Variants in B4GALNT4 observed in about 807,000 individuals in gnomAD.
B4GALNT4 encodes the protein beta-1,4-N-acetyl-galactosaminyltransferase 4.
A neutral mutation model predicts 110.0 loss-of-function variants in B4GALNT4; 77 were observed. That is an observed-to-expected ratio of 0.70 (90% CI 0.58 to 0.85). The LOEUF is 0.85. Ranked by LOEUF, B4GALNT4 falls within the 40% of genes least tolerant of loss-of-function variation. The pLI, the probability that B4GALNT4 is intolerant of heterozygous loss-of-function variation, is 0.00. For synonymous variants in B4GALNT4, 785 were observed against 655.5 expected, an observed-to-expected ratio of 1.20 and a Z score of -3.02; for missense variants, 1,575 against 1,506.0, an observed-to-expected ratio of 1.05 and a Z score of -0.76.
intron 18 of B4GALNT4, 101 bp from the exon 19 acceptor site, chr11:380,724 C>T: frequency 6.3e-7 from 1 of 1,583,924 alleles, no homozygotes; most frequent in South Asian, 1.1e-5. Flanking sequence ...GGTGATGGGA[C>T]CCGGCACCTG....
rs770796581 is a variant in B4GALNT4, at chr11:375,702, G to A, written c.914G>A (p.Gly305Glu). Reference sequence around the variant, plus strand: ...CCCCAGTCTCCAGCCAGCCACGTGGGGGGGCGTCCGCCGCAGGAGGAGACC... The same window carrying A: ...CCCCAGTCTCCAGCCAGCCACGTGGAGGGGCGTCCGCCGCAGGAGGAGACC... ...HVPQSPASHV[G>E]GRPPQEETSA... Residue 305 changes from glycine to glutamate, a missense_variant, in exon 10 of 20, where the codon GGG (glycine) becomes GAG (glutamate). Physicochemically the swap from Gly to Glu is moderately conservative, Grantham distance 98. Coordinates refer to ENST00000329962, the MANE Select transcript of B4GALNT4 (RefSeq NM_178537.5). The A allele has an allele frequency of 1.8e-5, 28 of 1,594,274 alleles. No individual in the cohort carries two copies. In the South Asian group the frequency reaches 2.1e-4, roughly 12 times the overall value.
At position 372,896 on chromosome 11, in the gene B4GALNT4, G is replaced by C; in HGVS notation, c.393G>C (p.Gly131=). 1 of 1,612,276 alleles carries C rather than the reference G, an allele frequency of 6.2e-7. No individual in the cohort carries two copies. Among genetic ancestry groups the C allele is most frequent in the Non-Finnish European group, 8.5e-7 (1 of 1,179,824 alleles). ...VNLHVFEDWC[G]GAVGHLRRNL... ...TGCACGTGTTTGAGGACTGGTGTGG[G>C]GGCGCCGTGGGCCACCTGAGGAGGA... The change falls in exon 4 of 20, where the codon GGG becomes GGC. Residue 131 remains glycine, a synonymous_variant. Coordinates refer to ENST00000329962, the MANE Select transcript of B4GALNT4 (RefSeq NM_178537.5).
chr11:380,144 G>GT lies in B4GALNT4; in HGVS notation c.2657_2658insT (p.Arg886SerfsTer90). The GT allele has an allele frequency of 6.2e-7, 1 of 1,603,906 alleles. No homozygotes were observed. Among genetic ancestry groups the GT allele is most frequent in the Non-Finnish European group, 8.5e-7 (1 of 1,173,086 alleles). ...GCCCTCCCCAGGTACCAGTACCTGA[G>GT]ACGAACCGGGAACTTCGAGCGCTCC... On this transcript the variant is annotated frameshift_variant, in exon 17 of 20. Coordinates refer to ENST00000329962, the MANE Select transcript of B4GALNT4 (RefSeq NM_178537.5). LOFTEE classifies it high-confidence loss of function.
chr11:372,013 G>A (rs2119637387), intron 1 of B4GALNT4, 96 bp from the exon 2 acceptor site: 1 of 951,876 alleles, frequency 1.1e-6, no homozygotes, highest in East Asian at 2.6e-5. Context: ...GCCCTGCTCT[G>A]GCCATGTGGG....
Position 381,703 on chromosome 11 carries a change from C to T in B4GALNT4, c.3031C>T (p.Arg1011Ter), listed in dbSNP as rs966620721. The T allele has an allele frequency of 5.6e-6, 9 of 1,593,584 alleles. No homozygotes were observed. Among genetic ancestry groups the T allele is most frequent in the South Asian group, 3.3e-5 (3 of 89,638 alleles). Reference protein sequence around the residue: ...LQAGLEVERLRLRNFYHHYHS... With the variant: ...LQAGLEVERL Reference sequence around the variant, plus strand: ...GGCAGGGCTGGAGGTGGAGCGGCTCCGACTGCGGAATTTCTATCACCACTA... The same window carrying T: ...GGCAGGGCTGGAGGTGGAGCGGCTCTGACTGCGGAATTTCTATCACCACTA... Residue 1011 changes from arginine to a stop codon, truncating the protein, a stop_gained, in exon 20 of 20, where the codon CGA (arginine) becomes TGA (stop). Coordinates refer to ENST00000329962, the MANE Select transcript of B4GALNT4 (RefSeq NM_178537.5). LOFTEE classifies it low-confidence loss of function (END_TRUNC).
intron 19 of B4GALNT4, 88 bp downstream of exon 19, chr11:381,039 G>A: frequency 1.8e-5 from 28 of 1,525,076 alleles, no homozygotes; most frequent in Non-Finnish European, 2.4e-5. Flanking sequence ...TGCCCCCCAC[G>A]GCGCCCACAT....
chr11:373,419 C>CTGCCA lies in B4GALNT4; in HGVS notation c.637-30_637-29insTGCCA. 24 of 1,080,010 alleles carry CTGCCA rather than the reference C, an allele frequency of 2.2e-5. 1 individual carries two copies. Among genetic ancestry groups the CTGCCA allele is most frequent in the Non-Finnish European group, 2.8e-5 (21 of 753,898 alleles). The allele number at this position is 1,080,010 out of a possible 1,614,324, so 66.9% of individuals were successfully genotyped here. A position where few individuals can be genotyped will look rare whatever the true frequency, so the allele number is the denominator to read the frequency against. On this transcript the variant is annotated intron_variant, in intron 6 of 19. Transcript: ENST00000329962. ...CAGGGAGAGAGTGAACCCCCCCCCC[C>CTGCCA]ACCACCACCCCTGCTCTATCACCCC...
Position 375,746 on chromosome 11 carries a change from C to T in B4GALNT4, c.958C>T (p.Pro320Ser). The T allele has an allele frequency of 6.3e-7, 1 of 1,596,372 alleles. No individual in the cohort carries two copies. Residue 320 changes from proline to serine, a missense_variant, in exon 10 of 20, where the codon CCA (proline) becomes TCA (serine). Physicochemically the swap from Pro to Ser is moderately conservative, Grantham distance 74. Coordinates refer to ENST00000329962, the MANE Select transcript of B4GALNT4 (RefSeq NM_178537.5). ...QEETSADMLR[P>S]DPRDTFFLTP... The stretch of plus-strand genomic sequence containing the variant: ...GGAGACCAGCGCAGACATGCTGCGG[C>T]CAGATCCCAGGGATACCTTTTTCCT...
At chr11:373,417 C>CTG in intron 6 of B4GALNT4, 32 bp from the exon 7 acceptor site, 1 of 1,225,668 alleles carries the variant, frequency 8.2e-7, no homozygotes, top group Non-Finnish European at 1.2e-6. Flanking sequence ...AACCCCCCCC[C>CTG]CCACCACCAC....
In B4GALNT4 at chr11:369,699, C is replaced by A. The variant is rs1846574245; in HGVS notation, c.-105C>A. The A allele has an allele frequency of 1.9e-6, 1 of 531,542 alleles. No individual in the cohort carries two copies. The highest frequency in any genetic ancestry group is 2.4e-6 in the Non-Finnish European group (1 of 419,760). 32.9% of individuals were successfully genotyped at this position (531,542 alleles called of 1,614,324 possible). A position where few individuals can be genotyped will look rare whatever the true frequency, so the allele number is the denominator to read the frequency against. ...ACAAAGGACCATGCGGGGCCGCGGG[C>A]GCTGAGCGCGGCGGGGCGGGCCGGG... On this transcript the variant is annotated 5_prime_UTR_variant, in exon 1 of 20. Coordinates refer to ENST00000329962, the MANE Select transcript of B4GALNT4 (RefSeq NM_178537.5).
rs775237567 is a variant in B4GALNT4 at position 376,579 on chromosome 11, G to T, written c.1456G>T (p.Gly486Trp). The change falls in exon 14 of 20, where the codon GGG becomes TGG. Residue 486 changes from glycine to tryptophan, a missense_variant. Transcript: ENST00000329962. ...GACCCCTCCCCGCCCCCGGGACGGG[G>T]GGACCCCCAGGCACTCCCGGGCCCT... ...PPTPPRPRDG[G>W]TPRHSRALSW... 3.0e-6 allele frequency: 4 copies of T among 1,354,158 alleles called. No individual in the cohort carries two copies. The highest frequency in any genetic ancestry group is 1.9e-6 in the Non-Finnish European group (2 of 1,061,956). 83.9% of individuals were successfully genotyped at this position (1,354,158 alleles called of 1,614,324 possible).
chr11:373,506 A>C lies in B4GALNT4; in HGVS notation c.694A>C (p.Lys232Gln). Residue 232 changes from lysine (K) to glutamine (Q), a missense_variant, in exon 7 of 20, where the codon AAG becomes CAG. Transcript: ENST00000329962. ...CACCAAGTTCAGCTCCCAGGTGTCCAAGCCCAGGCGGTGAGTGACTGTGGG... is the reference window on the plus strand; with the variant it reads ...CACCAAGTTCAGCTCCCAGGTGTCCCAGCCCAGGCGGTGAGTGACTGTGGG... Reference protein sequence around the residue: ...EFTKFSSQVSKPRRLMASRRY... With the variant: ...EFTKFSSQVSQPRRLMASRRY... The C allele has an allele frequency of 6.2e-7, 1 of 1,607,634 alleles. No individual in the cohort carries two copies.
At chr11:374,358 A>C (rs1378885325) in intron 8 of B4GALNT4, among the ~76,000 whole-genome samples, 1 of 150,638 alleles carries the variant, frequency 6.6e-6, no homozygotes, top group Non-Finnish European at 1.5e-5. Flanking sequence ...TGGACGGGGG[A>C]AGGCGGAAGG....
intron 8 of B4GALNT4, among the ~76,000 whole-genome samples, chr11:374,309 G>A (rs1258167485): frequency 6.6e-6 from 1 of 151,940 alleles, no homozygotes; most frequent in Admixed American, 6.6e-5. Flanking sequence ...TTTTTACTGT[G>A]GCCTTTGGTC....
chr11:379,664 C>G lies in B4GALNT4; in HGVS notation c.2451C>G (p.Ala817=). 3 of 1,504,700 alleles carry G rather than the reference C, an allele frequency of 2.0e-6. No individual in the cohort carries two copies. Among genetic ancestry groups the G allele is most frequent in the African/African-American group, 1.4e-5 (1 of 70,912 alleles). 93.2% of individuals were successfully genotyped at this position (1,504,700 alleles called of 1,614,324 possible). Residue 817 remains alanine (A), a synonymous_variant, in exon 15 of 20, where the codon GCC becomes GCG. Coordinates refer to ENST00000329962, the MANE Select transcript of B4GALNT4 (RefSeq NM_178537.5). ...RPELCRPLRL[A]WRQDVMVHFI... is the part of the protein sequence containing the mutation. ...AGCTCTGCCGGCCACTGCGCCTGGC[C>G]TGGCGCCAGGACGTGATGGTTCACT...
intron 10 of B4GALNT4, 30 bp downstream of exon 10, chr11:375,803 CG>C: frequency 6.2e-7 from 1 of 1,602,174 alleles, no homozygotes. Flanking sequence ...GGGGCGAGGG[CG>C]GGGGTGCCTG....
At position 375,737 on chromosome 11, in the gene B4GALNT4, A is replaced by C; in HGVS notation, c.949A>C (p.Met317Leu). 6.3e-7 allele frequency: 1 copy of C among 1,597,070 alleles called. No individual in the cohort carries two copies. The highest frequency in any genetic ancestry group is 2.2e-5 in the East Asian group (1 of 44,688). ...RPPQEETSAD[M>L]LRPDPRDTFF... ...GCCGCAGGAGGAGACCAGCGCAGACATGCTGCGGCCAGATCCCAGGGATAC... is the reference window on the plus strand; with the variant it reads ...GCCGCAGGAGGAGACCAGCGCAGACCTGCTGCGGCCAGATCCCAGGGATAC... The change falls in exon 10 of 20, where the codon ATG becomes CTG. Residue 317 changes from methionine to leucine, a missense_variant. Coordinates refer to ENST00000329962, the MANE Select transcript of B4GALNT4 (RefSeq NM_178537.5).
At chr11:374,216 C>T (rs980074272) in intron 8 of B4GALNT4, among the ~76,000 whole-genome samples, 47 of 152,098 alleles carry the variant, frequency 3.1e-4, no homozygotes. Context: ...ACAGATAGGC[C>T]TTTGTCCTGA....
intron 8 of B4GALNT4, among the ~76,000 whole-genome samples, chr11:374,402 G>T (rs920323020): frequency 6.6e-6 from 1 of 151,456 alleles, no homozygotes; most frequent in African/African-American, 2.4e-5. Context: ...CTGCAGCCTG[G>T]TGGGTGTGGG....
Sources: gnomAD v4.1 joint callset for allele counts (sites outside exome capture counted in the v4.1 genomes callset) on GRCh38, gnomAD v4.1.1 for gene constraint, MANE v1.5 for transcripts, NCBI Gene and HGNC (gene_info 2026-07-23, HGNC 2026-07-21) for gene names.